Variants in DGKI observed in about 807,000 individuals in gnomAD.
The protein encoded by DGKI is DAG kinase iota.
A neutral mutation model predicts 147.5 loss-of-function variants in DGKI; 55 were observed. The observed-to-expected ratio is 0.37, with a 90% CI of 0.30 to 0.47. DGKI has a LOEUF of 0.47. DGKI is among the 20% of genes least tolerant of loss of function. The pLI, the probability that DGKI is intolerant of heterozygous loss-of-function variation, is 1.00. For synonymous variants in DGKI, 469 were observed against 477.1 expected (o/e 0.98, Z 0.22); for missense variants, 1,007 against 1,323.8 (o/e 0.76, Z 3.71).
chr7:137,402,836 G>C (rs1417977980), intron 30 of DGKI, among the ~76,000 whole-genome samples: 1 of 151,874 alleles, frequency 6.6e-6, no homozygotes, highest in East Asian at 1.9e-4. Flanking sequence ...GTTCTCTCTG[G>C]GACCAGAGGC....
chr7:137,462,171 C>T (rs1307076955), intron 27 of DGKI, among the ~76,000 whole-genome samples: 2 of 151,934 alleles, frequency 1.3e-5, no homozygotes, highest in East Asian at 3.9e-4. Flanking sequence ...ACTGGTTTGT[C>T]CAGGCTTAAT....
At chr7:137,568,518 T>C (rs545043624) in intron 19 of DGKI, among the ~76,000 whole-genome samples, 2 of 152,292 alleles carry the variant, frequency 1.3e-5, no homozygotes, top group South Asian at 4.1e-4. Flanking sequence ...CCATGTCTTC[T>C]GGCTTCCAAT....
At chr7:137,828,486 A>C (rs1310143884) in intron 1 of DGKI, among the ~76,000 whole-genome samples, 1 of 152,226 alleles carries the variant, frequency 6.6e-6, no homozygotes. Flanking sequence ...GAAAGCACTC[A>C]GTGCGTGGAA....
intron 1 of DGKI, among the ~76,000 whole-genome samples, chr7:137,751,282 T>C (rs1795482384): frequency 6.6e-6 from 1 of 152,226 alleles, no homozygotes; most frequent in African/African-American, 2.4e-5. Context: ...TCTACCTCCT[T>C]TCAGTTTTAT....
chr7:137,707,345 T>C (rs1239151916), intron 1 of DGKI, among the ~76,000 whole-genome samples: 3 of 152,228 alleles, frequency 2.0e-5, no homozygotes, highest in Non-Finnish European at 2.9e-5. Context: ...TCAGGGCACA[T>C]TGAGCTTATT....
At chr7:137,826,789 C>T (rs952168472) in intron 1 of DGKI, among the ~76,000 whole-genome samples, 2 of 152,068 alleles carry the variant, frequency 1.3e-5, no homozygotes, top group Admixed American at 1.3e-4. Context: ...AGGCAAGCCA[C>T]GTTCCAGAAT....
At chr7:137,844,451 T>C (rs1444617337) in intron 1 of DGKI, among the ~76,000 whole-genome samples, 7 of 152,218 alleles carry the variant, frequency 4.6e-5, no homozygotes, top group African/African-American at 1.7e-4. Flanking sequence ...TTAAAAATTC[T>C]CACCCACAGA....
intron 28 of DGKI, among the ~76,000 whole-genome samples, chr7:137,439,407 C>G (rs781353110): frequency 6.6e-6 from 1 of 152,048 alleles, no homozygotes; most frequent in Admixed American, 6.6e-5. Flanking sequence ...ACAATCATGG[C>G]GGAAGACGAA....
intron 12 of DGKI, among the ~76,000 whole-genome samples, chr7:137,591,507 G>A (rs1476959616): frequency 3.9e-5 from 6 of 152,052 alleles, no homozygotes; most frequent in African/African-American, 9.7e-5. Flanking sequence ...AGCTCTATCA[G>A]CATTCCCCAA....
chr7:137,587,222 T>C lies in DGKI; in HGVS notation c.1312-12A>G, dbSNP rs762336659. The C allele has an allele frequency of 1.9e-6, 3 of 1,596,682 alleles. No homozygotes were observed. Among genetic ancestry groups the C allele is most frequent in the Non-Finnish European group, 2.6e-6 (3 of 1,172,480 alleles). ...AGGATCCAGCCCACCTACAGGCGTA[T>C]CGGGGGCCAGAAGAGATATAAGAAA... On this transcript the variant is annotated splice_polypyrimidine_tract_variant and intron_variant, in intron 12 of 32. Transcript: ENST00000614521.
chr7:137,404,557 C>A (rs1811871986), intron 30 of DGKI, among the ~76,000 whole-genome samples: 1 of 152,130 alleles, frequency 6.6e-6, no homozygotes, highest in African/African-American at 2.4e-5. Flanking sequence ...GGATTGTGCT[C>A]TCCCATCTCC....
intron 1 of DGKI, among the ~76,000 whole-genome samples, chr7:137,762,934 C>T (rs561381390): frequency 6.6e-6 from 1 of 152,178 alleles, no homozygotes; most frequent in Non-Finnish European, 1.5e-5. Context: ...GCTCCATTGT[C>T]CAGCTATTCA....
rs540773127 is a variant in DGKI at position 137,841,608 on chromosome 7, G to A, written c.401+4854C>T. ...CCCATGGAAGAAAGCAAATGTCACA[G>A]CCCAACGTGTAGGCAATAGTTCTTC... is the stretch of plus-strand genomic sequence containing the variant. On this transcript the variant is annotated intron_variant, in intron 1 of 32. Transcript: ENST00000614521. Among the ~76,000 whole-genome samples, 230 of 152,276 alleles carry A rather than the reference G, an allele frequency of 1.5e-3. 2 individuals carry two copies. The highest frequency in any genetic ancestry group is 5.3e-3 in the African/African-American group (219 of 41,566).
intron 1 of DGKI, among the ~76,000 whole-genome samples, chr7:137,749,519 T>G (rs970433221): frequency 1.3e-4 from 20 of 152,196 alleles, no homozygotes; most frequent in African/African-American, 4.8e-4. Context: ...CTCTGACTTC[T>G]TTTTGGCTGC....
At chr7:137,439,351 A>C (rs918905950) in intron 28 of DGKI, among the ~76,000 whole-genome samples, 4 of 152,178 alleles carry the variant, frequency 2.6e-5, no homozygotes, top group Admixed American at 6.5e-5. Context: ...TTTATAAAGG[A>C]AAGAGGTTTA....
At chr7:137,708,383 G>C (rs1012378717) in intron 1 of DGKI, among the ~76,000 whole-genome samples, 12 of 152,164 alleles carry the variant, frequency 7.9e-5, no homozygotes, top group African/African-American at 2.7e-4. Flanking sequence ...TTACAGGAGT[G>C]GAAGTGACAG....
rs1469238798 is a variant in DGKI, at chr7:137,846,506, C to T, written c.357G>A (p.Glu119=). The change falls in exon 1 of 33, where the codon GAG becomes GAA. Residue 119 remains glutamate, a synonymous_variant. Transcript: ENST00000614521. The surrounding 1 kb of genome is among the most constrained non-coding windows in gnomAD (Gnocchi z 4.0). Reference sequence around the variant, plus strand: ...GGAAAGTTAAGTTCCTCAGCTTCTCCTCCAGCGCTTCGTCCTTCTCCTTCT... The same window carrying T: ...GGAAAGTTAAGTTCCTCAGCTTCTCTTCCAGCGCTTCGTCCTTCTCCTTCT... ...AGQKEKDEAL[E]EKLRNLTFRK... is the part of the protein sequence containing the mutation. The T allele has an allele frequency of 1.1e-5, 18 of 1,588,684 alleles. No individual in the cohort carries two copies. The highest frequency in any genetic ancestry group is 1.7e-5 in the Admixed American group (1 of 59,344).
intron 23 of DGKI, 59 bp downstream of exon 23, chr7:137,485,315 G>T: frequency 2.3e-6 from 3 of 1,305,612 alleles, no homozygotes; most frequent in Non-Finnish European, 2.2e-6. Context: ...GACATTAATT[G>T]AAAGATGGAC....
At chr7:137,740,193 A>G (rs1211338697) in intron 1 of DGKI, among the ~76,000 whole-genome samples, 1 of 152,232 alleles carries the variant, frequency 6.6e-6, no homozygotes, top group African/African-American at 2.4e-5. Flanking sequence ...ACATACATGC[A>G]GAAATCCACA....
Sources: gnomAD v4.1 joint callset for allele counts (sites outside exome capture counted in the v4.1 genomes callset) on GRCh38, gnomAD v4.1.1 for gene constraint, Gnocchi (gnomAD v3.1) non-coding constraint, MANE v1.5 for transcripts, NCBI Gene and HGNC (gene_info 2026-07-23, HGNC 2026-07-21) for gene names.